Variants in NAV3 observed in about 807,000 individuals in gnomAD.
The protein encoded by NAV3 is pore membrane and/or filament interacting like protein 1.
NAV3 carries 87 observed loss-of-function variants against 244.7 expected under a neutral mutation model. The observed-to-expected ratio is 0.36, with a 90% CI of 0.30 to 0.42. The LOEUF (loss-of-function observed/expected upper bound fraction) is 0.42. Ranked by LOEUF, NAV3 falls within the 20% of genes least tolerant of loss-of-function variation. NAV3 has a pLI of 1.00. For missense variants in NAV3, 2,663 were observed against 2,893.3 expected (o/e 0.92, Z 1.83); for synonymous variants, 1,126 against 1,042.2 (o/e 1.08, Z -1.55).
chr12:78,185,597 A>T lies in NAV3; in HGVS notation c.5693-4A>T. On this transcript the variant is annotated splice_region_variant and splice_polypyrimidine_tract_variant and intron_variant, in intron 30 of 39. Coordinates refer to ENST00000397909, the MANE Select transcript of NAV3 (RefSeq NM_001024383.2). Reference sequence around the variant, plus strand: ...GTGTATGTCTTTCTTTTAAAATTTGATAGATATTTTGCTAGATGATGCTGG... The same window carrying T: ...GTGTATGTCTTTCTTTTAAAATTTGTTAGATATTTTGCTAGATGATGCTGG... The T allele has an allele frequency of 6.2e-7, 1 of 1,606,568 alleles. No individual in the cohort carries two copies. Among genetic ancestry groups the T allele is most frequent in the Non-Finnish European group, 8.5e-7 (1 of 1,176,232 alleles).
intron 2 of NAV3, among the ~76,000 whole-genome samples, chr12:77,769,454 G>C (rs1206172358): frequency 6.6e-6 from 1 of 152,230 alleles, no homozygotes; most frequent in Non-Finnish European, 1.5e-5. Context: ...TATTTGAAAA[G>C]AGGAATGTTG....
intron 2 of NAV3, among the ~76,000 whole-genome samples, chr12:77,756,862 A>G (rs969615412): frequency 6.6e-5 from 10 of 152,162 alleles, no homozygotes; most frequent in African/African-American, 2.4e-4. Flanking sequence ...AGTAGATTTT[A>G]TCTTTATGCT....
At chr12:78,044,192 T>C (rs1308205730) in intron 9 of NAV3, among the ~76,000 whole-genome samples, 78 of 152,218 alleles carry the variant, frequency 5.1e-4, no homozygotes, top group Non-Finnish European at 1.5e-5. Flanking sequence ...TAGGGAATCC[T>C]TTCCCCATTG....
At chr12:78,160,468 T>G (rs145226729) in intron 23 of NAV3, among the ~76,000 whole-genome samples, 3 of 151,190 alleles carry the variant, frequency 2.0e-5, no homozygotes, top group Non-Finnish European at 4.4e-5. Context: ...GTCCAGAGCT[T>G]TCATCTAATT....
intron 16 of NAV3, among the ~76,000 whole-genome samples, chr12:78,125,123 G>A (rs1955849034): frequency 6.6e-6 from 1 of 152,076 alleles, no homozygotes; most frequent in Non-Finnish European, 1.5e-5. Context: ...GGGTGATACT[G>A]GCTTCATTAT....
At chr12:77,682,462 A>G (rs1390513701) in intron 2 of NAV3, among the ~76,000 whole-genome samples, 1 of 152,160 alleles carries the variant, frequency 6.6e-6, no homozygotes, top group Non-Finnish European at 1.5e-5. Context: ...TGCAATGGAC[A>G]TGGGAGGACA....
intron 2 of NAV3, among the ~76,000 whole-genome samples, chr12:77,824,241 ATTTTTTTTTT>A (rs61710960): frequency 4.3e-4 from 45 of 104,920 alleles, no homozygotes; most frequent in South Asian, 1.4e-3. Flanking sequence ...GCCCAACTAA[ATTTTTTTTTT>A]TTTTTTTTTT....
intron 11 of NAV3, among the ~76,000 whole-genome samples, chr12:78,055,700 A>G (rs1883396022): frequency 6.6e-6 from 1 of 152,166 alleles, no homozygotes. Flanking sequence ...CCAGGGTGTG[A>G]GAAGATTTTG....
chr12:77,966,890 G>GATC (rs1892571249), intron 4 of NAV3, among the ~76,000 whole-genome samples: 1 of 152,032 alleles, frequency 6.6e-6, no homozygotes, highest in Admixed American at 6.6e-5. Flanking sequence ...TTTTGACATT[G>GATC]ATCTTTTTTC....
intron 1 of NAV3, among the ~76,000 whole-genome samples, chr12:77,929,166 A>G (rs1010648716): frequency 6.6e-6 from 1 of 152,232 alleles, no homozygotes; most frequent in African/African-American, 2.4e-5. Flanking sequence ...GAAATATATC[A>G]TTAGTAATAT....
chr12:78,069,099 G>A (rs933344880), intron 12 of NAV3, among the ~76,000 whole-genome samples: 1 of 151,612 alleles, frequency 6.6e-6, no homozygotes, highest in African/African-American at 2.4e-5. Flanking sequence ...GCATAGAGTG[G>A]GTGGCATGGA....
At chr12:77,807,531 C>T (rs1191244856) in intron 2 of NAV3, among the ~76,000 whole-genome samples, 1 of 152,226 alleles carries the variant, frequency 6.6e-6, no homozygotes, top group South Asian at 2.1e-4. Context: ...TGAAGGGTTT[C>T]TGCCGAGAGA....
intron 2 of NAV3, among the ~76,000 whole-genome samples, chr12:77,597,164 G>A (rs1441049571): frequency 1.3e-5 from 2 of 152,206 alleles, no homozygotes; most frequent in East Asian, 1.9e-4. Flanking sequence ...CTCATTTGAG[G>A]TGGGAGTCCT....
rs573929389 is a variant in NAV3, at chr12:77,662,448, A to T, written c.72+90182A>T. On this transcript the variant is annotated intron_variant, in intron 2 of 8. Coordinates refer to the NAV3 transcript ENST00000550042. ...AAATACAATTCATTTTTGTATATTG[A>T]TCTTGTAAACTTGCTGTATTTATTA... Among the ~76,000 whole-genome samples the T allele has an allele frequency of 2.7e-4, 41 of 152,094 alleles. No individual in the cohort carries two copies. The South Asian group carries it at 7.9e-3, about 29-fold the overall frequency.
At chr12:77,933,597 G>T (rs1889039427) in intron 1 of NAV3, among the ~76,000 whole-genome samples, 1 of 152,146 alleles carries the variant, frequency 6.6e-6, no homozygotes, top group African/African-American at 2.4e-5. Flanking sequence ...GAATATTGAG[G>T]TGAACTATCT....
chr12:77,919,468 C>G (rs910182265), intron 1 of NAV3, among the ~76,000 whole-genome samples: 6 of 152,002 alleles, frequency 3.9e-5, no homozygotes, highest in African/African-American at 1.4e-4. Flanking sequence ...ATTGCAACTC[C>G]GTATCTGTGG....
intron 2 of NAV3, among the ~76,000 whole-genome samples, chr12:77,778,612 A>G (rs1284022218): frequency 6.8e-6 from 1 of 146,706 alleles, no homozygotes; most frequent in Non-Finnish European, 1.5e-5. Context: ...ACTCCGTCTC[A>G]GAAAAAAAAA....
At chr12:77,678,036 T>A (rs1166444809) in intron 2 of NAV3, among the ~76,000 whole-genome samples, 1 of 152,190 alleles carries the variant, frequency 6.6e-6, no homozygotes, top group East Asian at 1.9e-4. Flanking sequence ...GGCTCTGATG[T>A]TACGCCTTGT....
At chr12:78,047,462 G>A (rs1343348359) in intron 9 of NAV3, among the ~76,000 whole-genome samples, 1 of 152,140 alleles carries the variant, frequency 6.6e-6, no homozygotes, top group Non-Finnish European at 1.5e-5. Flanking sequence ...ACTCCAGCCT[G>A]GGTGACAGAG....
Sources: gnomAD v4.1 joint callset for allele counts (sites outside exome capture counted in the v4.1 genomes callset) on GRCh38, gnomAD v4.1.1 for gene constraint, MANE v1.5 for transcripts, NCBI Gene and HGNC (gene_info 2026-07-23, HGNC 2026-07-21) for gene names.